The following LRCH1 variants were observed in gnomAD, a reference collection of about 807,000 sequenced individuals.
LRCH1 encodes leucine-rich repeat and calponin homology domain-containing protein 1.
In LRCH1, 23 loss-of-function variants were observed where a neutral mutation model predicts 94.9. That is an observed-to-expected ratio of 0.24 (90% CI 0.17 to 0.34). LRCH1 has a LOEUF of 0.34. LRCH1 is among the 10% of genes least tolerant of loss of function. LRCH1 has a pLI of 1.00. For synonymous variants in LRCH1, 364 were observed against 354.9 expected, an observed-to-expected ratio of 1.03 and a Z score of -0.29; for missense variants, 790 against 945.9, an observed-to-expected ratio of 0.84 and a Z score of 2.16.
chr13:46,604,609 T>A (rs988460755), intron 1 of LRCH1, among the ~76,000 whole-genome samples: 1 of 152,240 alleles, frequency 6.6e-6, no homozygotes, highest in African/African-American at 2.4e-5. Context: ...TTACATCTTG[T>A]TGGTCTTGTT....
chr13:46,595,339 A>T (rs2050548655), intron 1 of LRCH1, among the ~76,000 whole-genome samples: 1 of 152,174 alleles, frequency 6.6e-6, no homozygotes, highest in Admixed American at 6.5e-5. Flanking sequence ...GCAGTAAGTG[A>T]CTTCCTCACC....
intron 4 of LRCH1, 145 bp from the exon 5 acceptor site, chr13:46,685,760 T>G: frequency 1.8e-6 from 1 of 563,730 alleles, no homozygotes; most frequent in South Asian, 2.9e-5. Flanking sequence ...ACACACCATG[T>G]ATTCCTAATG....
At chr13:46,710,766 T>C (rs1872021363) in intron 13 of LRCH1, among the ~76,000 whole-genome samples, 1 of 152,212 alleles carries the variant, frequency 6.6e-6, no homozygotes, top group Admixed American at 6.5e-5. Context: ...TACAATAATT[T>C]GGTGGCATAT....
intron 1 of LRCH1, among the ~76,000 whole-genome samples, chr13:46,600,214 T>C (rs2137980515): frequency 6.6e-6 from 1 of 152,320 alleles, no homozygotes; most frequent in African/African-American, 2.4e-5. Flanking sequence ...AACATAAACA[T>C]TTTTATTCTC....
rs375520991 is a variant in LRCH1 at position 46,736,118 on chromosome 13, C to CTCTGTGTG, written c.2085+2121_2085+2122insCTGTGTGT. On this transcript the variant is annotated intron_variant, in intron 19 of 19. Coordinates refer to ENST00000389797, the MANE Select transcript of LRCH1 (RefSeq NM_001164211.2). ...GGCCAAGGTGATTTTCAAATTTGCT[C>CTCTGTGTG]TGTGTGTGTGTGTGTGTGTGTGTGT... Among the ~76,000 whole-genome samples the CTCTGTGTG allele has an allele frequency of 3.5e-5, 5 of 142,298 alleles. No homozygotes were observed. The East Asian group carries it at 1.0e-3, about 29-fold the overall frequency. The allele number at this position is 142,298 out of a possible 152,430, so 93.4% of individuals were successfully genotyped here.
At position 46,709,169 on chromosome 13, in the gene LRCH1, A is replaced by T. The variant is rs533112471; in HGVS notation, c.1528-2622A>T. On this transcript the variant is annotated intron_variant, in intron 13 of 19. Coordinates refer to ENST00000389797, the MANE Select transcript of LRCH1 (RefSeq NM_001164211.2). Reference sequence around the variant, plus strand: ...TGAAAATCATCTGACACTTTTCCACATGCTCATAAAGCTTCATGGGTTTTT... The same window carrying T: ...TGAAAATCATCTGACACTTTTCCACTTGCTCATAAAGCTTCATGGGTTTTT... Among the ~76,000 whole-genome samples the T allele has an allele frequency of 1.2e-4, 19 of 152,358 alleles. No homozygotes were observed. In the South Asian group the frequency reaches 3.3e-3, roughly 27 times the overall value.
At position 46,582,648 on chromosome 13, in the gene LRCH1, CTTTTT is replaced by C. The variant is rs551678501; in HGVS notation, c.307+28965_307+28969del. On this transcript the variant is annotated intron_variant, in intron 1 of 19. Transcript: ENST00000389797. ...CACAGGCACGCACCACCATGCCCAGCTTTTTTTTTTTTTTTTTTTTTTTTGTATTT... is the reference window on the plus strand; with the variant it reads ...CACAGGCACGCACCACCATGCCCAGCTTTTTTTTTTTTTTTTTTTGTATTT... Among the ~76,000 whole-genome samples, 91 of 23,334 alleles carry C rather than the reference CTTTTT, an allele frequency of 3.9e-3. 2 individuals carry two copies. Among genetic ancestry groups the C allele is most frequent in the African/African-American group, 1.0e-2 (74 of 7,434 alleles). The allele number at this position is 23,334 out of a possible 152,430, so 15.3% of individuals were successfully genotyped here. A position where few individuals can be genotyped will look rare whatever the true frequency, so the allele number is the denominator to read the frequency against.
chr13:46,667,969 C>G (rs7992307), intron 2 of LRCH1, among the ~76,000 whole-genome samples: 96,247 of 152,102 alleles, frequency 0.63, 30,988 homozygotes, highest in Middle Eastern at 0.72. Flanking sequence ...AGGAACACAG[C>G]TTCTGAAACT....
At chr13:46,576,081 A>G (rs1271975791) in intron 1 of LRCH1, among the ~76,000 whole-genome samples, 3 of 152,214 alleles carry the variant, frequency 2.0e-5, no homozygotes, top group African/African-American at 7.2e-5. Flanking sequence ...CCTTAAGCAC[A>G]TGCTGATTAT....
intron 3 of LRCH1, chr13:46,679,700 C>G (rs2051725030): frequency 6.6e-6 from 1 of 152,294 alleles, no homozygotes; most frequent in African/African-American, 2.4e-5. Context: ...ACCCGGTGCT[C>G]TCAGCCCGTG....
At position 46,689,029 on chromosome 13, in the gene LRCH1, G is replaced by A. The variant is rs967969156; in HGVS notation, c.951-104G>A. On this transcript the variant is annotated intron_variant, in intron 6 of 19. Coordinates refer to ENST00000389797, the MANE Select transcript of LRCH1 (RefSeq NM_001164211.2). ...TGCCTTATGGTAATAATAAAAATTT[G>A]CGTAGCAAAATTATTATTAGAATAT... 7.8e-6 allele frequency: 7 copies of A among 898,224 alleles called. No individual in the cohort carries two copies. The Admixed American group carries it at 1.3e-4, about 17-fold the overall frequency. 55.6% of individuals were successfully genotyped at this position (898,224 alleles called of 1,614,324 possible).
chr13:46,752,526 A>T (rs1487308259), exon 19 of LRCH1: 1 of 152,238 alleles, frequency 6.6e-6, no homozygotes, highest in Non-Finnish European at 1.5e-5. Flanking sequence ...CTTAAAATGT[A>T]TTTTAATATT....
At chr13:46,626,616 C>T (rs1046508484) in intron 1 of LRCH1, among the ~76,000 whole-genome samples, 17 of 152,218 alleles carry the variant, frequency 1.1e-4, no homozygotes, top group Non-Finnish European at 2.1e-4. Context: ...ACTCTCTTTT[C>T]GGACTCAGCC....
At chr13:46,588,174 G>A (rs1364446972) in intron 1 of LRCH1, among the ~76,000 whole-genome samples, 1 of 152,050 alleles carries the variant, frequency 6.6e-6, no homozygotes, top group African/African-American at 2.4e-5. Context: ...GTGCACCAAA[G>A]CATGAAAAGC....
intron 19 of LRCH1, among the ~76,000 whole-genome samples, chr13:46,737,698 T>A (rs1873453353): frequency 6.6e-6 from 1 of 152,162 alleles, no homozygotes; most frequent in Non-Finnish European, 1.5e-5. Context: ...CTTGACCCCA[T>A]GAGGCTTTTA....
At chr13:46,594,905 T>C (rs1051470460) in intron 1 of LRCH1, among the ~76,000 whole-genome samples, 5 of 152,168 alleles carry the variant, frequency 3.3e-5, no homozygotes, top group Non-Finnish European at 5.9e-5. Flanking sequence ...AAAAACCTGA[T>C]TGACTCTAGT....
chr13:46,657,527 T>C (rs1369965868), intron 2 of LRCH1, among the ~76,000 whole-genome samples: 2 of 74,050 alleles, frequency 2.7e-5, no homozygotes, highest in African/African-American at 1.1e-4. Context: ...TTTTTTTTTT[T>C]TTTTTTTTTT....
At chr13:46,572,204 G>A (rs2050249036) in intron 1 of LRCH1, among the ~76,000 whole-genome samples, 1 of 152,204 alleles carries the variant, frequency 6.6e-6, no homozygotes, top group African/African-American at 2.4e-5. Flanking sequence ...CCCTGACCCT[G>A]CTGTCCTTCT....
At chr13:46,735,765 G>A (rs566303664) in intron 19 of LRCH1, among the ~76,000 whole-genome samples, 2 of 149,450 alleles carry the variant, frequency 1.3e-5, no homozygotes, top group Non-Finnish European at 3.0e-5. Flanking sequence ...AAGGCTTGAG[G>A]TGATTTTCCT....
Sources: gnomAD v4.1 joint callset for allele counts (sites outside exome capture counted in the v4.1 genomes callset) on GRCh38, gnomAD v4.1.1 for gene constraint, MANE v1.5 for transcripts, NCBI Gene and HGNC (gene_info 2026-07-23, HGNC 2026-07-21) for gene names.